The following FSTL4 variants were observed in gnomAD, a reference collection of about 807,000 sequenced individuals.
FSTL4 encodes the protein follistatin-related protein 4.
Under a neutral mutation model 78.2 loss-of-function variants are expected in FSTL4, and 28 were observed. The ratio of observed to expected loss-of-function variants is 0.36; its 90% CI spans 0.27 to 0.49. The LOEUF (loss-of-function observed/expected upper bound fraction) is 0.49. Ranked by LOEUF, FSTL4 falls within the 20% of genes least tolerant of loss-of-function variation. FSTL4 has a pLI of 0.98. For missense variants in FSTL4, 922 were observed against 1,084.9 expected (o/e 0.85, Z 2.11); for synonymous variants, 422 against 440.5 (o/e 0.96, Z 0.53).
At chr5:133,419,576 A>T (rs1444161559) in intron 3 of FSTL4, among the ~76,000 whole-genome samples, 1 of 152,242 alleles carries the variant, frequency 6.6e-6, no homozygotes, top group African/African-American at 2.4e-5. Flanking sequence ...TTTTATGGAT[A>T]TATGCTTTAA....
chr5:133,615,661 T>C (rs1418909780), upstream of FSTL4, among the ~76,000 whole-genome samples: 1 of 152,244 alleles, frequency 6.6e-6, no homozygotes, highest in African/African-American at 2.4e-5. Context: ...ATATTAATGC[T>C]TATTTTTAAG....
chr5:133,255,328 G>A (rs1215097295), intron 6 of FSTL4, among the ~76,000 whole-genome samples: 2 of 152,212 alleles, frequency 1.3e-5, no homozygotes, highest in Non-Finnish European at 2.9e-5. Context: ...AGGGACTGAC[G>A]CCCTGCTATG....
chr5:133,826,996 C>T, the FSTL4 span, among the ~76,000 whole-genome samples: 1 of 152,358 alleles, frequency 6.6e-6, no homozygotes, highest in Non-Finnish European at 1.5e-5. Context: ...ACAGAAGGCC[C>T]AATGGCACGC....
At chr5:133,571,539 G>T (rs1760154991) in intron 2 of FSTL4, among the ~76,000 whole-genome samples, 1 of 152,170 alleles carries the variant, frequency 6.6e-6, no homozygotes. Flanking sequence ...TAGGAGAAAA[G>T]ATGCTGAATT....
At chr5:133,813,225 G>GA in the FSTL4 span, among the ~76,000 whole-genome samples, 23 of 151,816 alleles carry the variant, frequency 1.5e-4, no homozygotes, top group Admixed American at 1.4e-3. Context: ...TTTTTAAAAA[G>GA]AAAAAAATAA....
At chr5:133,229,169 A>G (rs1333505952) in intron 8 of FSTL4, among the ~76,000 whole-genome samples, 1 of 152,252 alleles carries the variant, frequency 6.6e-6, no homozygotes, top group Non-Finnish European at 1.5e-5. Context: ...AAGACTTAAT[A>G]TCGTTAGGAA....
At chr5:133,427,843 G>C (rs74679502) in intron 3 of FSTL4, 1 of 376,470 alleles carries the variant, frequency 2.7e-6, no homozygotes, top group African/African-American at 2.0e-5. Flanking sequence ...CCAGAGAAGT[G>C]TGAGGGTTTG....
chr5:133,352,297 C>T (rs796186725), intron 4 of FSTL4, among the ~76,000 whole-genome samples: 2 of 137,190 alleles, frequency 1.5e-5, no homozygotes, highest in African/African-American at 6.0e-5. Flanking sequence ...TATATATACA[C>T]ACACATATAT....
At chr5:133,576,839 T>G (rs547510658) in intron 2 of FSTL4, among the ~76,000 whole-genome samples, 32 of 152,364 alleles carry the variant, frequency 2.1e-4, no homozygotes, top group African/African-American at 7.2e-4. Context: ...ATATCTGAGA[T>G]GTTCTTAAAA....
intron 7 of FSTL4, among the ~76,000 whole-genome samples, chr5:133,241,836 G>A (rs1260765111): frequency 6.6e-6 from 1 of 152,196 alleles, no homozygotes; most frequent in Non-Finnish European, 1.5e-5. Context: ...AAGGGTTTCA[G>A]CTCCTGACTC....
intron 3 of FSTL4, among the ~76,000 whole-genome samples, chr5:133,503,854 G>C (rs944604836): frequency 1.1e-4 from 17 of 152,206 alleles, no homozygotes; most frequent in African/African-American, 4.1e-4. Flanking sequence ...CCAGAGACTG[G>C]ATAAATTATA....
At chr5:133,586,422 T>C (rs1283412546) in intron 2 of FSTL4, among the ~76,000 whole-genome samples, 1 of 4,022 alleles carries the variant, frequency 2.5e-4, no homozygotes, top group African/African-American at 8.6e-4. Context: ...AAGAATCAAA[T>C]AGACACAATA....
chr5:133,395,351 A>G (rs1245280413), intron 4 of FSTL4, among the ~76,000 whole-genome samples: 1 of 152,214 alleles, frequency 6.6e-6, no homozygotes, highest in Non-Finnish European at 1.5e-5. Context: ...TAAGAGCTGT[A>G]ACACTCACCG....
intron 6 of FSTL4, among the ~76,000 whole-genome samples, chr5:133,299,060 A>C (rs1287096631): frequency 6.6e-6 from 1 of 152,236 alleles, no homozygotes; most frequent in Non-Finnish European, 1.5e-5. Flanking sequence ...GGGTGCAGTC[A>C]GTCTAGTCTA....
the FSTL4 span, among the ~76,000 whole-genome samples, chr5:133,654,039 G>C: frequency 1.3e-5 from 2 of 152,212 alleles, no homozygotes; most frequent in Non-Finnish European, 2.9e-5. Context: ...GAAAACTCTA[G>C]GGGCCCTAAA....
chr5:133,788,021 ATG>A, the FSTL4 span, among the ~76,000 whole-genome samples: 14 of 152,240 alleles, frequency 9.2e-5, no homozygotes, highest in South Asian at 1.2e-3. Context: ...CCTGCTTTCT[ATG>A]TGTGTGGTTC....
At chr5:133,410,258 C>T (rs1336910991) in intron 3 of FSTL4, among the ~76,000 whole-genome samples, 2 of 152,172 alleles carry the variant, frequency 1.3e-5, no homozygotes, top group African/African-American at 2.4e-5. Flanking sequence ...TTTTCTTTGC[C>T]TAAAGCCTCT....
At chr5:133,656,748 A>G in the FSTL4 span, among the ~76,000 whole-genome samples, 4 of 152,178 alleles carry the variant, frequency 2.6e-5, no homozygotes, top group Non-Finnish European at 5.9e-5. Flanking sequence ...TCTAGGTGTG[A>G]TGGGGATGCA....
At chr5:133,753,727 G>GTGTA in the FSTL4 span, among the ~76,000 whole-genome samples, 22,964 of 133,704 alleles carry the variant, frequency 0.17, 2,300 homozygotes, top group Non-Finnish European at 0.22. Flanking sequence ...GTGTGTGTGT[G>GTGTA]TAGTGGCAGG....
Sources: allele counts gnomAD v4.1 joint callset (sites outside exome capture counted in the v4.1 genomes callset), GRCh38; gene constraint gnomAD v4.1.1; transcripts MANE v1.5; gene names NCBI Gene and HGNC (gene_info 2026-07-23, HGNC 2026-07-21).